The following IDE variants were observed in gnomAD, a reference collection of about 807,000 sequenced individuals.
IDE encodes insulin-degrading enzyme.
IDE carries 58 observed loss-of-function variants against 133.2 expected under a neutral mutation model. The observed-to-expected ratio is 0.44, with a 90% CI of 0.35 to 0.54. The LOEUF (loss-of-function observed/expected upper bound fraction) is 0.54. Ranked by LOEUF, IDE falls within the 20% of genes least tolerant of loss-of-function variation. The probability of loss-of-function intolerance (pLI) is 0.00; values close to 1 mark genes in which losing one functional copy is unlikely to be tolerated. For missense variants in IDE, 981 were observed against 1,234.0 expected, an observed-to-expected ratio of 0.79 and a Z score of 3.07; for synonymous variants, 396 against 421.3, an observed-to-expected ratio of 0.94 and a Z score of 0.73.
intron 7 of IDE, 21 bp from the exon 8 acceptor site, chr10:92,508,226 C>CA (rs1848397975): frequency 1.3e-6 from 2 of 1,585,418 alleles, no homozygotes; most frequent in East Asian, 4.5e-5. Context: ...CAAAGGAAAT[C>CA]AATACGATTG....
At chr10:92,475,553 G>T (rs922217613) in intron 16 of IDE, among the ~76,000 whole-genome samples, 2 of 152,070 alleles carry the variant, frequency 1.3e-5, no homozygotes, top group Non-Finnish European at 2.9e-5. Flanking sequence ...GCTGAATTGC[G>T]TGTTCTTCTG....
At chr10:92,525,663 A>G (rs563324630) in intron 4 of IDE, among the ~76,000 whole-genome samples, 1 of 152,194 alleles carries the variant, frequency 6.6e-6, no homozygotes, top group East Asian at 1.9e-4. Context: ...ACCTGTTAGA[A>G]CTGATAAATG....
At chr10:92,522,411 T>G (rs766107627) in intron 4 of IDE, among the ~76,000 whole-genome samples, 3 of 152,202 alleles carry the variant, frequency 2.0e-5, no homozygotes, top group Non-Finnish European at 4.4e-5. Context: ...GAGTTCAGAC[T>G]GACTTGATAA....
intron 12 of IDE, 70 bp from the exon 13 acceptor site, chr10:92,487,388 C>T: frequency 7.7e-7 from 1 of 1,301,050 alleles, no homozygotes. Context: ...TATCTCTGCT[C>T]AATATATGGG....
At chr10:92,524,444 ATTTTATATATT>A (rs1849463191) in intron 4 of IDE, among the ~76,000 whole-genome samples, 1 of 11,634 alleles carries the variant, frequency 8.6e-5, no homozygotes, top group Non-Finnish European at 2.0e-4. Flanking sequence ...TATATAATAT[ATTTTATATATT>A]ATATATTTTA....
chr10:92,534,984 T>A (rs1380519345), intron 2 of IDE, among the ~76,000 whole-genome samples, 199 bp from the exon 3 acceptor site: 1 of 152,220 alleles, frequency 6.6e-6, no homozygotes, highest in Non-Finnish European at 1.5e-5. Context: ...CTCTTGACGC[T>A]AATTAGTTGG....
chr10:92,457,157 G>A (rs1382057128), intron 22 of IDE, among the ~76,000 whole-genome samples: 1 of 152,134 alleles, frequency 6.6e-6, no homozygotes, highest in African/African-American at 2.4e-5. Flanking sequence ...GCTGCACTTG[G>A]TGATCTTTAG....
intron 1 of IDE, among the ~76,000 whole-genome samples, chr10:92,555,497 C>CAAAAAAAAAAAAAAAAAAAAAAAAAAAA (rs71306837): frequency 1.1e-5 from 1 of 91,996 alleles, no homozygotes; most frequent in South Asian, 3.8e-4. Flanking sequence ...AACTTTGTCT[C>CAAAAAAAAAAAAAAAAAAAAAAAAAAAA]AAAAAAAAAA....
At chr10:92,488,573 CGAG>C (rs1847147448) in intron 12 of IDE, among the ~76,000 whole-genome samples, 1 of 151,898 alleles carries the variant, frequency 6.6e-6, no homozygotes, top group African/African-American at 2.4e-5. Context: ...GTCAGGAGTT[CGAG>C]ACCAGTCTGG....
At chr10:92,498,330 T>C (rs1287143504) in intron 11 of IDE, among the ~76,000 whole-genome samples, 1 of 152,122 alleles carries the variant, frequency 6.6e-6, no homozygotes, top group Non-Finnish European at 1.5e-5. Flanking sequence ...ATCTTAAAGA[T>C]TGTCTAGTGA....
At chr10:92,508,236 G>A (rs1848398803) in intron 7 of IDE, 31 bp from the exon 8 acceptor site, 1 of 1,531,988 alleles carries the variant, frequency 6.5e-7, no homozygotes, top group South Asian at 1.2e-5. Flanking sequence ...CAATACGATT[G>A]ATTGCATATG....
intron 1 of IDE, among the ~76,000 whole-genome samples, chr10:92,560,865 T>G (rs1800285695): frequency 6.6e-6 from 1 of 151,918 alleles, no homozygotes; most frequent in African/African-American, 2.4e-5. Context: ...CTCCACTTAC[T>G]TTCCTAGAAG....
chr10:92,512,892 C>T (rs1848704091), intron 5 of IDE, among the ~76,000 whole-genome samples: 1 of 152,128 alleles, frequency 6.6e-6, no homozygotes, highest in Non-Finnish European at 1.5e-5. Context: ...GGAGCATTTG[C>T]TATGTGCCAT....
In IDE at chr10:92,504,823, A is replaced by G; in HGVS notation, c.1401T>C (p.Val467=). 1 of 1,595,626 alleles carries G rather than the reference A, an allele frequency of 6.3e-7. No homozygotes were observed. The highest frequency in any genetic ancestry group is 8.6e-7 in the Non-Finnish European group (1 of 1,166,592). ...CATTTTCTGGTCTGAGTTTATCGAG[A>G]ACCATCTCTATTAAGTCAGGTCTAA... ...EEFRPDLIEM[V]LDKLRPENVR... The change falls in exon 11 of 25, where the codon GTT becomes GTC. Residue 467 remains valine (V), a synonymous_variant. Coordinates refer to ENST00000265986, the MANE Select transcript of IDE (RefSeq NM_004969.4).
At chr10:92,549,163 C>T (rs1455160348) in intron 1 of IDE, among the ~76,000 whole-genome samples, 1 of 151,900 alleles carries the variant, frequency 6.6e-6, no homozygotes, top group Non-Finnish European at 1.5e-5. Context: ...GAGGCTGAGG[C>T]ACAAGAATCA....
At chr10:92,479,612 T>TGTGTGTGTGTGTGA (rs1554835008) in intron 14 of IDE, 191 bp from the exon 15 acceptor site, 37 of 142,054 alleles carry the variant, frequency 2.6e-4, no homozygotes, top group Admixed American at 6.8e-4. Flanking sequence ...TGTGTGTGAG[T>TGTGTGTGTGTGTGA]GTGTGTGTGT....
Position 92,534,618 on chromosome 10 carries a change from A to C in IDE, c.451T>G (p.Phe151Val). ...FTSGEHTNYYFDVSHEHLEGA... is the reference protein window; with the variant it reads ...FTSGEHTNYYVDVSHEHLEGA... ...TCTAGGTGTTCATGAGAAACATCAA[A>C]ATAGTAATTGGTATGCTCTCCACTA... The change falls in exon 3 of 25, where the codon TTT becomes GTT. Residue 151 changes from phenylalanine (F) to valine (V), a missense_variant. Around this residue, in one of 2 missense-constraint regions of IDE, gnomAD observed 321 missense variants for 339.3 expected, o/e 0.95. Coordinates refer to ENST00000265986, the MANE Select transcript of IDE (RefSeq NM_004969.4). The C allele has an allele frequency of 6.2e-7, 1 of 1,613,930 alleles. No individual in the cohort carries two copies. The highest frequency in any genetic ancestry group is 8.5e-7 in the Non-Finnish European group (1 of 1,179,914).
At chr10:92,561,803 G>A (rs767602405) in intron 1 of IDE, among the ~76,000 whole-genome samples, 5 of 151,990 alleles carry the variant, frequency 3.3e-5, no homozygotes, top group South Asian at 2.1e-4. Context: ...GATAATCTTC[G>A]TAAACTTTAA....
chr10:92,510,585 A>T (rs1848527855), intron 5 of IDE, among the ~76,000 whole-genome samples: 1 of 151,738 alleles, frequency 6.6e-6, no homozygotes, highest in African/African-American at 2.4e-5. Flanking sequence ...TAGTTTTTTG[A>T]CACGTATGAA....
Sources: gnomAD v4.1 joint callset for allele counts (sites outside exome capture counted in the v4.1 genomes callset) on GRCh38, gnomAD v4.1.1 for gene constraint, gnomAD v4.1.1 regional missense constraint, MANE v1.5 for transcripts, NCBI Gene and HGNC (gene_info 2026-07-23, HGNC 2026-07-21) for gene names.